SBK1: variants seen among roughly 807,000 people sequenced by gnomAD.
SBK1 encodes serine/threonine-protein kinase SBK1.
SBK1 carries 11 observed loss-of-function variants against 24.4 expected under a neutral mutation model. The observed-to-expected ratio is 0.45, with a 90% CI of 0.28 to 0.75. The LOEUF (loss-of-function observed/expected upper bound fraction) is 0.75, where lower values mean the gene tolerates loss of function less well. Ranked by LOEUF, SBK1 falls within the 30% of genes least tolerant of loss-of-function variation. SBK1 has a pLI of 0.12. For missense variants in SBK1, 467 were observed against 620.5 expected (o/e 0.75, Z 2.63); for synonymous variants, 308 against 284.4 (o/e 1.08, Z -0.83).
rs1357083073 is a variant in SBK1 at position 28,314,370 on chromosome 16, C to T, written c.-7-3015C>T. Among the ~76,000 whole-genome samples the T allele has an allele frequency of 6.1e-5, 9 of 147,624 alleles. No individual in the cohort carries two copies. The South Asian group carries it at 6.5e-4, about 11-fold the overall frequency. On this transcript the variant is annotated intron_variant, in intron 1 of 3. Transcript: ENST00000341901. ...TGTGGAGACAGGGTCTTGCTCAGGC[C>T]GGTCTCACACTCCTGGCCTCAAGCA...
Position 28,321,050 on chromosome 16 carries a change from G to C in SBK1, c.*129G>C. On this transcript the variant is annotated 3_prime_UTR_variant, in exon 4 of 4. Transcript: ENST00000341901. Reference sequence around the variant, plus strand: ...CGCAGCGGTAGACTAGGCAGGACGCGGCCCGGCACCTGGTCCGTCCCCGGC... The same window carrying C: ...CGCAGCGGTAGACTAGGCAGGACGCCGCCCGGCACCTGGTCCGTCCCCGGC... 2 of 887,336 alleles carry C rather than the reference G, an allele frequency of 2.3e-6. No homozygotes were observed. The highest frequency in any genetic ancestry group is 3.0e-6 in the Non-Finnish European group (2 of 662,192). The allele number at this position is 887,336 out of a possible 1,614,324, so 55.0% of individuals were successfully genotyped here.
intron 1 of SBK1, among the ~76,000 whole-genome samples, chr16:28,273,946 C>T (rs551551754): frequency 6.6e-5 from 10 of 152,114 alleles, no homozygotes; most frequent in Non-Finnish European, 1.3e-4. Context: ...TGTATTGCTA[C>T]GTGAAAGAAG....
Position 28,259,397 on chromosome 16 carries a change from C to T in SBK1, c.152C>T (p.Pro51Leu), listed in dbSNP as rs1408263086. The T allele has an allele frequency of 1.6e-5, 16 of 979,258 alleles. No individual in the cohort carries two copies. The highest frequency in any genetic ancestry group is 1.8e-5 in the Non-Finnish European group (15 of 824,234). The allele number at this position is 979,258 out of a possible 1,614,324, so 60.7% of individuals were successfully genotyped here. ...CCCTGCCCTGTCCTGGAGCTGCCTC[C>T]GGCCTGGCCCATGGGCTGCGGAGTC... Residue 51 changes from proline (P) to leucine (L), a missense_variant, in exon 1 of 4, where the codon CCG becomes CTG. Pro to Leu is a moderately conservative substitution (Grantham distance 98). Coordinates refer to the SBK1 transcript ENST00000671413. This position sits in a 1 kb window ranked among gnomAD's most constrained non-coding sequence, Gnocchi z 6.0.
intron 1 of SBK1, among the ~76,000 whole-genome samples, chr16:28,299,944 C>T (rs1336425424): frequency 3.9e-5 from 6 of 152,238 alleles, no homozygotes; most frequent in Non-Finnish European, 1.5e-5. Context: ...CCACACAGTG[C>T]CCTCTGCCAG....
At position 28,320,968 on chromosome 16, in the gene SBK1, G is replaced by T; in HGVS notation, c.*47G>T. The T allele has an allele frequency of 1.5e-6, 2 of 1,346,194 alleles. No individual in the cohort carries two copies. The highest frequency in any genetic ancestry group is 1.6e-5 in the South Asian group (1 of 63,008). 83.4% of individuals were successfully genotyped at this position (1,346,194 alleles called of 1,614,324 possible). ...CCCGGGAGCAGCCCGGGCCCGCCCCGAGCCGGTGCCCGGTGCGGCGGTAGG... is the reference window on the plus strand; with the variant it reads ...CCCGGGAGCAGCCCGGGCCCGCCCCTAGCCGGTGCCCGGTGCGGCGGTAGG... On this transcript the variant is annotated 3_prime_UTR_variant, in exon 4 of 4. Transcript: ENST00000341901. This position sits in a 1 kb window ranked among gnomAD's most constrained non-coding sequence, Gnocchi z 8.5.
At chr16:28,302,603 G>T (rs926047979) in intron 1 of SBK1, among the ~76,000 whole-genome samples, 2 of 152,270 alleles carry the variant, frequency 1.3e-5, no homozygotes, top group Middle Eastern at 3.4e-3. Context: ...CCCCTCCCTG[G>T]CACTTTCCTC....
chr16:28,260,226 T>C (rs1278663857), intron 1 of SBK1, among the ~76,000 whole-genome samples: 1 of 152,054 alleles, frequency 6.6e-6, no homozygotes, highest in Non-Finnish European at 1.5e-5. Flanking sequence ...GAGTGCTGCA[T>C]ACCTATGTGG....
At chr16:28,280,335 T>TAAA in intron 1 of SBK1, among the ~76,000 whole-genome samples, 1 of 45,776 alleles carries the variant, frequency 2.2e-5, no homozygotes, top group South Asian at 1.1e-3. Flanking sequence ...CGTACATATG[T>TAAA]ATATATATAT....
intron 1 of SBK1, among the ~76,000 whole-genome samples, chr16:28,278,213 G>C (rs913907082): frequency 2.8e-4 from 42 of 152,236 alleles, no homozygotes; most frequent in Middle Eastern, 3.2e-3. Context: ...GCCCTCCCCA[G>C]GCCACATCCG....
At chr16:28,260,227 AC>A (rs2044389395) in intron 1 of SBK1, among the ~76,000 whole-genome samples, 2 of 152,066 alleles carry the variant, frequency 1.3e-5, no homozygotes, top group Middle Eastern at 3.4e-3. Flanking sequence ...AGTGCTGCAT[AC>A]CTATGTGGAG....
intron 1 of SBK1, among the ~76,000 whole-genome samples, chr16:28,296,637 C>T (rs1256086268): frequency 1.3e-5 from 2 of 152,210 alleles, no homozygotes; most frequent in African/African-American, 2.4e-5. Flanking sequence ...GAATAGTGTC[C>T]ACCCAGGGTC....
At chr16:28,283,985 A>G (rs13337602) in intron 1 of SBK1, among the ~76,000 whole-genome samples, 14 of 152,128 alleles carry the variant, frequency 9.2e-5, no homozygotes, top group African/African-American at 3.1e-4. Flanking sequence ...CAGAGTATCA[A>G]TACCCCAGCT....
At chr16:28,280,145 ATATATGTGTGTG>A (rs1414943814) in intron 1 of SBK1, among the ~76,000 whole-genome samples, 3 of 55,290 alleles carry the variant, frequency 5.4e-5, no homozygotes, top group African/African-American at 1.6e-4. Flanking sequence ...ATATATATAT[ATATATGTGTGTG>A]TGTGTGTGTG....
At chr16:28,313,948 G>C (rs1311524039) in intron 1 of SBK1, among the ~76,000 whole-genome samples, 1 of 150,008 alleles carries the variant, frequency 6.7e-6, no homozygotes, top group Non-Finnish European at 1.5e-5. Context: ...CCAGCCTCCA[G>C]CAATGCCCAC....
chr16:28,311,263 AC>A (rs2141586953), intron 1 of SBK1, among the ~76,000 whole-genome samples: 1 of 152,286 alleles, frequency 6.6e-6, no homozygotes, highest in South Asian at 2.1e-4. Context: ...TGAGAGAGGG[AC>A]AGGCAGCCCC....
chr16:28,293,045 G>C lies in SBK1; in HGVS notation c.-263G>C, dbSNP rs540279228. ...AGCTCAGAACGCCCCTAGATCAGGGGATCCCAATTCCCCCCAACTCCGGTA... is the reference window on the plus strand; with the variant it reads ...AGCTCAGAACGCCCCTAGATCAGGGCATCCCAATTCCCCCCAACTCCGGTA... On this transcript the variant is annotated 5_prime_UTR_variant, in exon 1 of 4. Transcript: ENST00000341901. 6.1e-6 allele frequency: 6 copies of C among 985,592 alleles called. No individual in the cohort carries two copies. The African/African-American group carries it at 1.0e-4, about 17-fold the overall frequency. 61.1% of individuals were successfully genotyped at this position (985,592 alleles called of 1,614,324 possible).
At chr16:28,266,969 C>T (rs979036929) in intron 1 of SBK1, among the ~76,000 whole-genome samples, 11 of 151,842 alleles carry the variant, frequency 7.2e-5, no homozygotes, top group Admixed American at 3.3e-4. Flanking sequence ...TGCAGTGGTG[C>T]GATCTCAGCA....
rs2044870746 is a variant in SBK1, at chr16:28,323,150, C to T, written c.*2229C>T. On this transcript the variant is annotated 3_prime_UTR_variant, in exon 4 of 4. Transcript: ENST00000341901. The stretch of plus-strand genomic sequence containing the variant: ...CCTCCAGCCTGACCCCAGAGCAGAA[C>T]CGGAACACCAGGTTGGGGCCCTGGT... 1 of 149,794 alleles carries T rather than the reference C, an allele frequency of 6.7e-6. No individual in the cohort carries two copies. Among genetic ancestry groups the T allele is most frequent in the African/African-American group, 2.5e-5 (1 of 40,268 alleles). 9.3% of individuals were successfully genotyped at this position (149,794 alleles called of 1,614,324 possible). A position where few individuals can be genotyped will look rare whatever the true frequency, so the allele number is the denominator to read the frequency against.
chr16:28,307,347 A>G (rs1409751775), intron 1 of SBK1, among the ~76,000 whole-genome samples: 4 of 152,068 alleles, frequency 2.6e-5, no homozygotes, highest in African/African-American at 9.7e-5. Context: ...CATCCATCCA[A>G]TAGGCGGCAG....
Sources: allele counts gnomAD v4.1 joint callset (sites outside exome capture counted in the v4.1 genomes callset), GRCh38; gene constraint gnomAD v4.1.1; non-coding constraint Gnocchi (gnomAD v3.1); transcripts MANE v1.5; gene names NCBI Gene and HGNC (gene_info 2026-07-23, HGNC 2026-07-21).